DZIP1L: variants seen among roughly 807,000 people sequenced by gnomAD.
The protein encoded by DZIP1L is DAZ interacting zinc finger protein 1 like.
In DZIP1L, 90 loss-of-function variants were observed where a neutral mutation model predicts 88.7. That is an observed-to-expected ratio of 1.02 (90% CI 0.86 to 1.21). The LOEUF (loss-of-function observed/expected upper bound fraction) is 1.21. Among genes scored for constraint, DZIP1L ranks in the 50% most tolerant of loss-of-function variants. The probability of loss-of-function intolerance (pLI) is 0.00; values close to 1 mark genes in which losing one functional copy is unlikely to be tolerated. For synonymous variants in DZIP1L, 363 were observed against 372.1 expected, an observed-to-expected ratio of 0.98 and a Z score of 0.28; for missense variants, 932 against 955.8, an observed-to-expected ratio of 0.98 and a Z score of 0.33.
At chr3:138,066,544 A>G (rs893497388) in intron 14 of DZIP1L, among the ~76,000 whole-genome samples, 6 of 152,276 alleles carry the variant, frequency 3.9e-5, no homozygotes, top group African/African-American at 1.4e-4. Context: ...TGGGCCAGTC[A>G]TAATGTCTAT....
rs529011516 is a variant in DZIP1L at position 138,071,724 on chromosome 3, G to C, written c.1534C>G (p.Leu512Val). The change falls in exon 12 of 16, where the codon CTT (leucine) becomes GTT (valine). Residue 512 changes from leucine to valine, a missense_variant. Leu to Val is a conservative substitution (Grantham distance 32). Transcript: ENST00000327532. The part of the protein sequence containing the change: ...FSEFLSLRGK[L>V]VKEVTSRAKE... Reference sequence around the variant, plus strand: ...GCTCTGCTGGTGACTTCCTTGACAAGCTTTCCCCTCAGACTCAGAAATTCA... The same window carrying C: ...GCTCTGCTGGTGACTTCCTTGACAACCTTTCCCCTCAGACTCAGAAATTCA... 1.2e-6 allele frequency: 2 copies of C among 1,614,092 alleles called. No individual in the cohort carries two copies. Among genetic ancestry groups the C allele is most frequent in the Non-Finnish European group, 1.7e-6 (2 of 1,180,048 alleles).
chr3:138,064,858 T>A (rs179282), intron 14 of DZIP1L, 91 bp from the exon 15 acceptor site: 51 of 1,512,774 alleles, frequency 3.4e-5, no homozygotes, highest in Non-Finnish European at 4.5e-5. Context: ...CCAGTGTGGA[T>A]AGAGGGAATG....
chr3:138,087,720 A>T (rs1944013979), intron 6 of DZIP1L, among the ~76,000 whole-genome samples: 1 of 152,214 alleles, frequency 6.6e-6, no homozygotes, highest in Non-Finnish European at 1.5e-5. Flanking sequence ...TTTTTTCTCA[A>T]GAATCTTGGA....
intron 7 of DZIP1L, among the ~76,000 whole-genome samples, chr3:138,085,720 C>T (rs1943898366): frequency 6.6e-6 from 1 of 152,156 alleles, no homozygotes; most frequent in South Asian, 2.1e-4. Flanking sequence ...GGATCTAGAA[C>T]TAGAAATACC....
Position 138,068,274 on chromosome 3 carries a change from G to A in DZIP1L, c.1709C>T (p.Pro570Leu). ...GCCATGGCTCTGACGAGTTGGTGGG[G>A]GTGGCTCTGCCGGTGTGGATGGCAA... ...VALPSTPAEP[P>L]PPTRQSHGSH... The change falls in exon 13 of 16, where the codon CCC becomes CTC. Residue 570 changes from proline (P) to leucine (L), a missense_variant. Pro to Leu is a moderately conservative substitution (Grantham distance 98). Transcript: ENST00000327532. The A allele has an allele frequency of 6.3e-7, 1 of 1,599,048 alleles. No individual in the cohort carries two copies.
intron 8 of DZIP1L, among the ~76,000 whole-genome samples, chr3:138,083,468 A>T (rs1020415381): frequency 7.9e-5 from 12 of 152,102 alleles, no homozygotes; most frequent in African/African-American, 2.9e-4. Flanking sequence ...TGGAGGGGGA[A>T]CTCAGCCTCG....
At position 138,068,273 on chromosome 3, in the gene DZIP1L, G is replaced by A. The variant is rs1290149648; in HGVS notation, c.1710C>T (p.Pro570=). Residue 570 remains proline (P), a synonymous_variant, in exon 13 of 16, where the codon CCC becomes CCT. Transcript: ENST00000327532. The stretch of plus-strand genomic sequence containing the variant: ...TGCCATGGCTCTGACGAGTTGGTGG[G>A]GGTGGCTCTGCCGGTGTGGATGGCA... The part of the protein sequence containing the change: ...VALPSTPAEP[P]PPTRQSHGSH... 6.3e-7 allele frequency: 1 copy of A among 1,598,948 alleles called. No individual in the cohort carries two copies. Among genetic ancestry groups the A allele is most frequent in the Non-Finnish European group, 8.5e-7 (1 of 1,172,340 alleles).
At chr3:138,108,769 A>G (rs949853971) in intron 1 of DZIP1L, among the ~76,000 whole-genome samples, 1 of 152,232 alleles carries the variant, frequency 6.6e-6, no homozygotes, top group Admixed American at 6.5e-5. Flanking sequence ...GAAAAGTAAC[A>G]TTAAATGCAC....
At chr3:138,114,282 T>C (rs2042658963) in intron 1 of DZIP1L, among the ~76,000 whole-genome samples, 1 of 152,208 alleles carries the variant, frequency 6.6e-6, no homozygotes, top group South Asian at 2.1e-4. Flanking sequence ...TGACCAAATA[T>C]CAGCTCCATG....
chr3:138,091,230 G>C (rs183438981), intron 5 of DZIP1L, among the ~76,000 whole-genome samples: 1 of 152,122 alleles, frequency 6.6e-6, no homozygotes, highest in Admixed American at 6.5e-5. Context: ...AGGACCTTTG[G>C]AAATTATAGA....
chr3:138,101,822 G>A, intron 2 of DZIP1L: 1 of 1,229,642 alleles, frequency 8.1e-7, no homozygotes, highest in Admixed American at 1.7e-5. Context: ...TACTCACGCA[G>A]CTGCCGCTCC....
At chr3:138,081,330 C>T (rs985970243) in intron 9 of DZIP1L, among the ~76,000 whole-genome samples, 10 of 152,196 alleles carry the variant, frequency 6.6e-5, no homozygotes, top group African/African-American at 2.4e-4. Context: ...ATATGCCAAA[C>T]AGGACACATT....
chr3:138,085,552 A>G (rs1943889826), intron 7 of DZIP1L, among the ~76,000 whole-genome samples: 3 of 152,228 alleles, frequency 2.0e-5, no homozygotes, highest in Non-Finnish European at 4.4e-5. Flanking sequence ...CAAAACCACA[A>G]TGAGATACCA....
intron 2 of DZIP1L, among the ~76,000 whole-genome samples, chr3:138,100,232 T>C (rs556454868): frequency 1.3e-5 from 2 of 152,292 alleles, no homozygotes; most frequent in South Asian, 4.1e-4. Context: ...TTATGCATGC[T>C]TGGTGGAATC....
chr3:138,103,453 C>G lies in DZIP1L; in HGVS notation c.501+18G>C, dbSNP rs1297456925. On this transcript the variant is annotated intron_variant, in intron 2 of 15. Transcript: ENST00000327532. ...CACACAGCCCTCCCACTCTCCCTGC[C>G]TGGTGGAGATTCCTCACCGTGTGGT... The G allele has an allele frequency of 1.3e-6, 2 of 1,582,076 alleles. No individual in the cohort carries two copies. The highest frequency in any genetic ancestry group is 2.7e-5 in the African/African-American group (2 of 74,626).
chr3:138,112,009 A>C (rs986133201), intron 1 of DZIP1L, among the ~76,000 whole-genome samples: 3 of 152,208 alleles, frequency 2.0e-5, no homozygotes, highest in Non-Finnish European at 2.9e-5. Context: ...TCTCAAAAAA[A>C]AAAAAAAAGA....
intron 1 of DZIP1L, among the ~76,000 whole-genome samples, chr3:138,108,512 C>T (rs1203934457): frequency 6.6e-6 from 1 of 152,142 alleles, no homozygotes; most frequent in African/African-American, 2.4e-5. Context: ...ATTCTTTCCC[C>T]TTTCTTTTAT....
intron 14 of DZIP1L, among the ~76,000 whole-genome samples, chr3:138,066,426 TG>T (rs758622944): frequency 1.6e-4 from 24 of 152,104 alleles, no homozygotes; most frequent in African/African-American, 2.2e-4. Flanking sequence ...CAGCTCTTTC[TG>T]GGGGGAAAAA....
intron 14 of DZIP1L, among the ~76,000 whole-genome samples, chr3:138,067,026 C>T (rs562954856): frequency 6.6e-6 from 1 of 152,178 alleles, no homozygotes; most frequent in Admixed American, 6.5e-5. Flanking sequence ...TTTGCAAACC[C>T]AGCCCTGCAC....
Sources: gnomAD v4.1 joint callset for allele counts (sites outside exome capture counted in the v4.1 genomes callset) on GRCh38, gnomAD v4.1.1 for gene constraint, MANE v1.5 for transcripts, NCBI Gene and HGNC (gene_info 2026-07-23, HGNC 2026-07-21) for gene names.